Variants in ROCK1 observed in about 807,000 individuals in gnomAD.
ROCK1 encodes Rho associated coiled-coil containing protein kinase 1, also known as rho-associated protein kinase 1.
A neutral mutation model predicts 196.8 loss-of-function variants in ROCK1; 36 were observed. That is an observed-to-expected ratio of 0.18 (90% CI 0.14 to 0.24). The LOEUF (loss-of-function observed/expected upper bound fraction) is 0.24. ROCK1 is among the 10% of genes least tolerant of loss of function. The pLI, the probability that ROCK1 is intolerant of heterozygous loss-of-function variation, is 1.00. For synonymous variants in ROCK1, 443 were observed against 515.9 expected (o/e 0.86, Z 1.91); for missense variants, 920 against 1,562.0 (o/e 0.59, Z 6.93).
chr18:20,989,748 A>G (rs2035607460), intron 18 of ROCK1, among the ~76,000 whole-genome samples: 1 of 152,164 alleles, frequency 6.6e-6, no homozygotes, highest in African/African-American at 2.4e-5. Flanking sequence ...CTTTAAGATA[A>G]CAGTGAAGAT....
At chr18:21,025,644 A>G (rs574792922) in intron 10 of ROCK1, among the ~76,000 whole-genome samples, 36 of 152,246 alleles carry the variant, frequency 2.4e-4, no homozygotes, top group African/African-American at 8.7e-4. Flanking sequence ...GCTGAGGCAC[A>G]AGAATCACTT....
intron 18 of ROCK1, 42 bp from the exon 19 acceptor site, chr18:20,987,152 G>C (rs1598518564): frequency 6.4e-7 from 1 of 1,572,638 alleles, no homozygotes; most frequent in South Asian, 1.1e-5. Context: ...TAAAGAAAGA[G>C]TACTTTAACA....
chr18:20,952,486 A>G (rs1383883262), intron 32 of ROCK1, among the ~76,000 whole-genome samples: 1 of 152,040 alleles, frequency 6.6e-6, no homozygotes, highest in Non-Finnish European at 1.5e-5. Flanking sequence ...TCCATCAAAA[A>G]TAGTTAAACA....
chr18:21,111,257 C>A lies in ROCK1; in HGVS notation c.-347G>T. On this transcript the variant is annotated 5_prime_UTR_variant, in exon 1 of 33. Transcript: ENST00000399799. The surrounding 1 kb of genome is among the most constrained non-coding windows in gnomAD (Gnocchi z 4.2). Reference sequence around the variant, plus strand: ...CCGTCGCCATGGAGGGGTCCCCGTCCCGAGATGGGCAGGAGCGGGTAGAGA... The same window carrying A: ...CCGTCGCCATGGAGGGGTCCCCGTCACGAGATGGGCAGGAGCGGGTAGAGA... 1 of 477,904 alleles carries A rather than the reference C, an allele frequency of 2.1e-6. No individual in the cohort carries two copies. The highest frequency in any genetic ancestry group is 4.0e-5 in the South Asian group (1 of 24,724). The allele number at this position is 477,904 out of a possible 1,614,324, so 29.6% of individuals were successfully genotyped here.
chr18:21,059,091 T>C (rs540996690), intron 2 of ROCK1, among the ~76,000 whole-genome samples: 2 of 151,904 alleles, frequency 1.3e-5, no homozygotes, highest in African/African-American at 2.4e-5. Context: ...GGCAAAAAAA[T>C]ATATATATAT....
chr18:21,061,527 TC>T (rs1221001165), intron 2 of ROCK1, among the ~76,000 whole-genome samples: 1 of 152,222 alleles, frequency 6.6e-6, no homozygotes, highest in Non-Finnish European at 1.5e-5. Context: ...ATGGAACTGT[TC>T]CGAATGGTAT....
intron 31 of ROCK1, among the ~76,000 whole-genome samples, chr18:20,954,252 T>C (rs2035218871): frequency 2.1e-5 from 3 of 141,550 alleles, no homozygotes; most frequent in African/African-American, 8.0e-5. Context: ...TGTTTGTTTT[T>C]GTTTGTTTAC....
Position 21,044,182 on chromosome 18 carries a change from C to T in ROCK1, c.595G>A (p.Val199Met), listed in dbSNP as rs1386999183. 2 of 1,610,674 alleles carry T rather than the reference C, an allele frequency of 1.2e-6. No homozygotes were observed. The highest frequency in any genetic ancestry group is 8.5e-7 in the Non-Finnish European group (1 of 1,178,256). The change falls in exon 6 of 33, where the codon GTG (valine) becomes ATG (methionine). Residue 199 changes from valine (V) to methionine (M), a missense_variant. Transcript: ENST00000399799. ...TCCAGCAGCATGTTATCAGGCTTCA[C>T]ATCTCTGCAGGAGGGAAAAAATAGT... The part of the protein sequence containing the change: ...IHSMGFIHRD[V>M]KPDNMLLDKS...
intron 28 of ROCK1, 92 bp downstream of exon 28, chr18:20,960,044 G>A: frequency 9.5e-7 from 1 of 1,055,994 alleles, no homozygotes; most frequent in Admixed American, 1.9e-5. Context: ...TAAAATAAAT[G>A]CTAGTAAAAA....
chr18:20,979,128 T>C (rs1203509269), intron 22 of ROCK1, among the ~76,000 whole-genome samples: 1 of 152,098 alleles, frequency 6.6e-6, no homozygotes, highest in Non-Finnish European at 1.5e-5. Context: ...GGGGTCTCAT[T>C]ATGTTGCCCA....
intron 9 of ROCK1, among the ~76,000 whole-genome samples, chr18:21,034,648 C>A (rs1384017815): frequency 6.6e-6 from 1 of 152,130 alleles, no homozygotes; most frequent in African/African-American, 2.4e-5. Context: ...AATTAATTCA[C>A]AATGGGTCAA....
At position 21,042,207 on chromosome 18, in the gene ROCK1, C is replaced by T. The variant is rs375643005; in HGVS notation, c.849G>A (p.Leu283=). Reference sequence around the variant, plus strand: ...TCATAATTTTACTGTAAGTTCCAACCAAAGAATCTGCATAAAAAGGTGTAT... The same window carrying T: ...TCATAATTTTACTGTAAGTTCCAACTAAAGAATCTGCATAAAAAGGTGTAT... The part of the protein sequence containing the change: ...VGDTPFYADS[L]VGTYSKIMNH... Residue 283 remains leucine, a synonymous_variant, in exon 8 of 33, where the codon TTG becomes TTA. Transcript: ENST00000399799. The T allele has an allele frequency of 1.1e-4, 179 of 1,590,306 alleles. No homozygotes were observed. The highest frequency in any genetic ancestry group is 1.5e-4 in the Non-Finnish European group (177 of 1,171,240).
At chr18:21,037,475 T>A (rs536841275) in intron 9 of ROCK1, among the ~76,000 whole-genome samples, 36 of 152,082 alleles carry the variant, frequency 2.4e-4, no homozygotes, top group Admixed American at 2.1e-3. Flanking sequence ...GTCAAAGAGG[T>A]CAGTTCAGAA....
chr18:21,057,251 G>C (rs1355702659), intron 2 of ROCK1, among the ~76,000 whole-genome samples: 1 of 152,188 alleles, frequency 6.6e-6, no homozygotes, highest in East Asian at 1.9e-4. Context: ...ATTCAGAGAA[G>C]TGAAATACTA....
chr18:21,004,362 A>G (rs1227865509), intron 16 of ROCK1, among the ~76,000 whole-genome samples: 1 of 152,214 alleles, frequency 6.6e-6, no homozygotes, highest in African/African-American at 2.4e-5. Flanking sequence ...AGACCAGAAA[A>G]GACTAATATA....
At chr18:21,002,540 G>A (rs2035733860) in intron 16 of ROCK1, among the ~76,000 whole-genome samples, 1 of 152,112 alleles carries the variant, frequency 6.6e-6, no homozygotes, top group African/African-American at 2.4e-5. Context: ...TTTATAAGCT[G>A]TACCTCAAAG....
chr18:20,959,034 T>A (rs1279131473), intron 29 of ROCK1, among the ~76,000 whole-genome samples: 3 of 52,644 alleles, frequency 5.7e-5, no homozygotes, highest in Admixed American at 3.6e-4. Flanking sequence ...TATATATATT[T>A]TATATAATAT....
chr18:21,015,631 C>T, intron 12 of ROCK1, 152 bp from the exon 13 acceptor site: 1 of 613,448 alleles, frequency 1.6e-6, no homozygotes, highest in Admixed American at 3.1e-5. Context: ...AAGCCTATGG[C>T]CTTTTTTCAA....
rs2035585044 is a variant in ROCK1 at position 20,987,112 on chromosome 18, T to C, written c.2144-2A>G. On this transcript the variant is annotated splice_acceptor_variant, in intron 18 of 32. Transcript: ENST00000399799. LOFTEE classifies it high-confidence loss of function. ...CTTCTTTCAGCTTTTTTTCCATCTCTGGGAAAGCAAAAAGTTACAAACATA... is the reference window on the plus strand; with the variant it reads ...CTTCTTTCAGCTTTTTTTCCATCTCCGGGAAAGCAAAAAGTTACAAACATA... 6.2e-7 allele frequency: 1 copy of C among 1,609,508 alleles called. No individual in the cohort carries two copies. Among genetic ancestry groups the C allele is most frequent in the Non-Finnish European group, 8.5e-7 (1 of 1,179,024 alleles).
Sources: allele counts gnomAD v4.1 joint callset (sites outside exome capture counted in the v4.1 genomes callset), GRCh38; gene constraint gnomAD v4.1.1; non-coding constraint Gnocchi (gnomAD v3.1); transcripts MANE v1.5; gene names NCBI Gene and HGNC (gene_info 2026-07-23, HGNC 2026-07-21).